The following TMED3 variants were observed in gnomAD, a reference collection of about 807,000 sequenced individuals.
TMED3 encodes transmembrane p24 trafficking protein 3.
In TMED3, 9 loss-of-function variants were observed where a neutral mutation model predicts 15.0. That is an observed-to-expected ratio of 0.60 (90% confidence interval 0.36 to 1.04). TMED3 has a LOEUF of 1.04. Ranked by LOEUF, TMED3 falls within the 50% of genes least tolerant of loss-of-function variation. The probability of loss-of-function intolerance (pLI) is 0.01; values close to 1 mark genes in which losing one functional copy is unlikely to be tolerated. For missense variants in TMED3, 267 were observed against 278.9 expected, an observed-to-expected ratio of 0.96 and a Z score of 0.30; for synonymous variants, 117 against 121.4, an observed-to-expected ratio of 0.96 and a Z score of 0.24.
chr15:79,350,557 C>G (rs1357642871), intron 2 of TMED3, among the ~76,000 whole-genome samples: 2 of 152,174 alleles, frequency 1.3e-5, no homozygotes, highest in Non-Finnish European at 2.9e-5. Context: ...CAAGTCTGCT[C>G]TCTGTCCACC....
At chr15:79,383,006 G>A (rs946713340) in intron 2 of TMED3, 2 of 1,535,316 alleles carry the variant, frequency 1.3e-6, no homozygotes, top group African/African-American at 1.4e-5. Flanking sequence ...CACCACTAAG[G>A]GTTCCAGTGT....
intron 2 of TMED3, among the ~76,000 whole-genome samples, chr15:79,403,872 T>C (rs912238887): frequency 6.6e-6 from 1 of 152,228 alleles, no homozygotes; most frequent in Admixed American, 6.5e-5. Flanking sequence ...TTCCTGAATA[T>C]GTACATTCTA....
At chr15:79,342,258 C>T (rs1038100744) in intron 2 of TMED3, among the ~76,000 whole-genome samples, 1 of 148,508 alleles carries the variant, frequency 6.7e-6, no homozygotes, top group East Asian at 1.9e-4. Context: ...CAAAGCAAAA[C>T]CCAATTTTAT....
rs56891639 is a variant in TMED3, at chr15:79,377,270, A to ATGTGTGTGTGTG, written c.418-34113_418-34102dup. ...CAAACCCTAAGTGGAGAGTGTGTGC[A>ATGTGTGTGTGTG]TGTGTGTGTGTGTGTGTGTGTGTGT... On this transcript the variant is annotated intron_variant, in intron 2 of 2. Transcript: ENST00000424155. Among the ~76,000 whole-genome samples, 562 of 145,562 alleles carry ATGTGTGTGTGTG rather than the reference A, an allele frequency of 3.9e-3. 4 individuals are homozygous for ATGTGTGTGTGTG. Among genetic ancestry groups the ATGTGTGTGTGTG allele is most frequent in the African/African-American group, 0.014 (534 of 38,764 alleles).
chr15:79,328,574 A>T (rs2141222008), intron 2 of TMED3, among the ~76,000 whole-genome samples: 1 of 152,306 alleles, frequency 6.6e-6, no homozygotes, highest in Middle Eastern at 3.4e-3. Context: ...GACATCTGGA[A>T]GCTGCAGAAC....
At chr15:79,409,804 G>C (rs951089472) in intron 2 of TMED3, among the ~76,000 whole-genome samples, 5 of 152,120 alleles carry the variant, frequency 3.3e-5, no homozygotes, top group Non-Finnish European at 7.4e-5. Flanking sequence ...AAGAGGCCAA[G>C]GTTCTAGTTT....
intron 2 of TMED3, among the ~76,000 whole-genome samples, chr15:79,406,120 C>T (rs1289502795): frequency 6.6e-6 from 1 of 152,104 alleles, no homozygotes; most frequent in Non-Finnish European, 1.5e-5. Flanking sequence ...GAATTGAATA[C>T]AGAGATGTGA....
chr15:79,348,296 G>T (rs2058878658), intron 2 of TMED3, among the ~76,000 whole-genome samples: 1 of 152,144 alleles, frequency 6.6e-6, no homozygotes, highest in Non-Finnish European at 1.5e-5. Context: ...ACTTATCAAT[G>T]TGAAAACATA....
intron 2 of TMED3, among the ~76,000 whole-genome samples, chr15:79,376,294 T>C (rs1211416925): frequency 6.6e-6 from 1 of 151,170 alleles, no homozygotes; most frequent in African/African-American, 2.4e-5. Context: ...CCCTGTTTGA[T>C]AGCTTTTGGC....
In TMED3 at chr15:79,393,170, A is replaced by T. The variant is rs553253183; in HGVS notation, c.418-18230A>T. 2.6e-5 allele frequency among the ~76,000 whole-genome samples: 4 copies of T among 152,338 alleles called. No individual in the cohort carries two copies. The South Asian group carries it at 8.3e-4, about 32-fold the overall frequency. On this transcript the variant is annotated intron_variant, in intron 2 of 2. Transcript: ENST00000424155. ...AACAACTTTTTGGGAAGTTTTATCC[A>T]AAATTTTTGGAGGGTAAGGTCAAAA...
chr15:79,373,868 T>C (rs974444738), intron 2 of TMED3, among the ~76,000 whole-genome samples: 5 of 152,214 alleles, frequency 3.3e-5, no homozygotes, highest in African/African-American at 7.2e-5. Flanking sequence ...GATGTCCCGA[T>C]TGGCAGTTGG....
intron 2 of TMED3, among the ~76,000 whole-genome samples, chr15:79,379,519 G>A (rs1390728174): frequency 3.9e-5 from 6 of 152,054 alleles, no homozygotes; most frequent in Non-Finnish European, 7.4e-5. Context: ...ATATTACTAC[G>A]AGCAATCAAT....
At chr15:79,406,517 T>C (rs1893905950) in intron 2 of TMED3, among the ~76,000 whole-genome samples, 1 of 152,158 alleles carries the variant, frequency 6.6e-6, no homozygotes, top group Non-Finnish European at 1.5e-5. Flanking sequence ...CTAGAACTCA[T>C]ATCTAAGAGT....
intron 2 of TMED3, among the ~76,000 whole-genome samples, chr15:79,370,591 T>G (rs1339238176): frequency 6.6e-6 from 1 of 152,234 alleles, no homozygotes; most frequent in East Asian, 1.9e-4. Flanking sequence ...GGGCACTGAT[T>G]GATAATGTCT....
At chr15:79,312,855 G>C (rs376748424) in intron 1 of TMED3, among the ~76,000 whole-genome samples, 5 of 152,128 alleles carry the variant, frequency 3.3e-5, no homozygotes, top group African/African-American at 9.7e-5. Flanking sequence ...CCTTGCTGGT[G>C]GGGGGAGGGG....
chr15:79,318,477 A>G (rs1192091887), intron 2 of TMED3, among the ~76,000 whole-genome samples: 1 of 152,174 alleles, frequency 6.6e-6, no homozygotes, highest in Non-Finnish European at 1.5e-5. Context: ...ACAAGTGTCT[A>G]TCCTGAGTCC....
chr15:79,357,382 C>T (rs2058923412), intron 2 of TMED3, among the ~76,000 whole-genome samples: 1 of 145,014 alleles, frequency 6.9e-6, no homozygotes, highest in African/African-American at 2.6e-5. Context: ...CTACTTGAGA[C>T]GCTGAGGCAG....
At chr15:79,360,807 A>G (rs1355606812) in intron 2 of TMED3, among the ~76,000 whole-genome samples, 6 of 152,180 alleles carry the variant, frequency 3.9e-5, no homozygotes. Flanking sequence ...ATGCTACAGA[A>G]TCACTTAAAA....
At chr15:79,334,576 C>T (rs956017757) in intron 2 of TMED3, among the ~76,000 whole-genome samples, 3 of 152,176 alleles carry the variant, frequency 2.0e-5, no homozygotes, top group Non-Finnish European at 2.9e-5. Context: ...GGAGAAGGCA[C>T]CTCTGACTCG....
Sources: gnomAD v4.1 joint callset for allele counts (sites outside exome capture counted in the v4.1 genomes callset) on GRCh38, gnomAD v4.1.1 for gene constraint, MANE v1.5 for transcripts, NCBI Gene and HGNC (gene_info 2026-07-23, HGNC 2026-07-21) for gene names.